The following RADIL variants were observed in gnomAD, a reference collection of about 807,000 sequenced individuals.
RADIL encodes ras-associating and dilute domain-containing protein.
In RADIL, 99 loss-of-function variants were observed where a neutral mutation model predicts 97.6. The ratio of observed to expected loss-of-function variants is 1.01; its 90% CI spans 0.86 to 1.20. The LOEUF (loss-of-function observed/expected upper bound fraction) is 1.20. Ranked by LOEUF, RADIL falls within the 50% of genes most tolerant of loss-of-function variation. RADIL has a pLI of 0.00. For synonymous variants in RADIL, 803 were observed against 691.8 expected, an observed-to-expected ratio of 1.16 and a Z score of -2.52; for missense variants, 1,765 against 1,498.9, an observed-to-expected ratio of 1.18 and a Z score of -2.93.
At position 4,797,525 on chromosome 7, in the gene RADIL, C is replaced by T. The variant is rs1422178259; in HGVS notation, c.*1853G>A. Reference sequence around the variant, plus strand: ...TCTTTCCTCTGGCCACAGTCCACACCCCTCCCACATAAAAAATATACTCAA... The same window carrying T: ...TCTTTCCTCTGGCCACAGTCCACACTCCTCCCACATAAAAAATATACTCAA... On this transcript the variant is annotated 3_prime_UTR_variant, in exon 15 of 15. Coordinates refer to ENST00000399583, the MANE Select transcript of RADIL (RefSeq NM_018059.5). 1.3e-5 allele frequency: 2 copies of T among 152,214 alleles called. No homozygotes were observed. The highest frequency in any genetic ancestry group is 1.9e-4 in the East Asian group (1 of 5,180). 9.4% of individuals were successfully genotyped at this position (152,214 alleles called of 1,614,324 possible).
intron 13 of RADIL, 134 bp from the exon 14 acceptor site, chr7:4,799,903 T>C: frequency 7.6e-7 from 1 of 1,322,686 alleles, no homozygotes; most frequent in Non-Finnish European, 1.0e-6. Context: ...GTTTCACGCG[T>C]CCCTCCAGAA....
intron 2 of RADIL, among the ~76,000 whole-genome samples, chr7:4,863,053 A>C (rs1028984481): frequency 6.6e-6 from 1 of 151,970 alleles, no homozygotes; most frequent in African/African-American, 2.4e-5. Context: ...TTGTCTCCTG[A>C]TTCTCTTCAT....
chr7:4,822,633 G>A lies in RADIL; in HGVS notation c.1455-79C>T. 4.0e-6 allele frequency: 6 copies of A among 1,489,042 alleles called. No individual in the cohort carries two copies. The highest frequency in any genetic ancestry group is 5.4e-6 in the Non-Finnish European group (6 of 1,103,288). 92.2% of individuals were successfully genotyped at this position (1,489,042 alleles called of 1,614,324 possible). A position where few individuals can be genotyped will look rare whatever the true frequency, so the allele number is the denominator to read the frequency against. On this transcript the variant is annotated intron_variant, in intron 5 of 14. Transcript: ENST00000399583. This position sits in a 1 kb window ranked among gnomAD's most constrained non-coding sequence, Gnocchi z 5.3. ...GAATCTACCACTCTTTCTACATAAG[G>A]ATGCGCGTTTTCATGGGACGCTGAC...
intron 2 of RADIL, among the ~76,000 whole-genome samples, chr7:4,862,849 A>T (rs1032306458): frequency 9.9e-5 from 15 of 151,922 alleles, no homozygotes; most frequent in African/African-American, 3.4e-4. Flanking sequence ...GTGAGCCAAG[A>T]TCACACCATT....
At chr7:4,850,187 T>G (rs1783673017) in intron 2 of RADIL, among the ~76,000 whole-genome samples, 2 of 139,168 alleles carry the variant, frequency 1.4e-5, no homozygotes, top group South Asian at 4.9e-4. Flanking sequence ...TCTTCATTCC[T>G]TTTACCCACA....
At position 4,815,280 on chromosome 7, in the gene RADIL, G is replaced by C. The variant is rs1286033065; in HGVS notation, c.2137C>G (p.Gln713Glu). The C allele has an allele frequency of 1.9e-6, 3 of 1,554,922 alleles. No homozygotes were observed. Among genetic ancestry groups the C allele is most frequent in the Non-Finnish European group, 2.6e-6 (3 of 1,149,728 alleles). ...CCGCCTCCCATGCGCACCCCTACCTGGATGAGCTGGGCCCTGGGTGTGGCC... is the reference window on the plus strand; with the variant it reads ...CCGCCTCCCATGCGCACCCCTACCTCGATGAGCTGGGCCCTGGGTGTGGCC... ...LLATPRAQLI[Q>E]MSWTALRAAF... Residue 713 changes from glutamine to glutamate, a missense_variant and splice_region_variant, in exon 9 of 15, where the codon CAG becomes GAG. Coordinates refer to ENST00000399583, the MANE Select transcript of RADIL (RefSeq NM_018059.5). The surrounding 1 kb of genome is among the most constrained non-coding windows in gnomAD (Gnocchi z 8.0).
At chr7:4,861,847 C>A (rs1429124970) in intron 2 of RADIL, 2 of 1,396,046 alleles carry the variant, frequency 1.4e-6, no homozygotes, top group Non-Finnish European at 1.9e-6. Flanking sequence ...CGTCCCCCAC[C>A]ACCGCGACCT....
intron 5 of RADIL, among the ~76,000 whole-genome samples, chr7:4,828,613 A>C (rs916016718): frequency 1.3e-5 from 2 of 152,272 alleles, no homozygotes; most frequent in African/African-American, 4.8e-5. Context: ...CAGGGCAAAC[A>C]AAATGTTAGT....
chr7:4,862,090 A>G (rs1784027850), intron 2 of RADIL: 1 of 358,524 alleles, frequency 2.8e-6, no homozygotes, highest in Non-Finnish European at 5.0e-6. Context: ...CGGGAGCCAC[A>G]GCGTTCTGGG....
chr7:4,846,024 C>T (rs754356905), intron 2 of RADIL, among the ~76,000 whole-genome samples: 1 of 152,172 alleles, frequency 6.6e-6, no homozygotes, highest in South Asian at 2.1e-4. Flanking sequence ...TCCAGCATGG[C>T]GCTGGGCACG....
intron 2 of RADIL, among the ~76,000 whole-genome samples, chr7:4,857,359 G>A (rs930764715): frequency 6.6e-6 from 1 of 152,130 alleles, no homozygotes; most frequent in African/African-American, 2.4e-5. Flanking sequence ...ACAGCATACA[G>A]TTGGACTTGG....
rs938502000 is a variant in RADIL, at chr7:4,854,249, T to C, written c.536-17644A>G. Among the ~76,000 whole-genome samples, 2 of 152,162 alleles carry C rather than the reference T, an allele frequency of 1.3e-5. No homozygotes were observed. Among genetic ancestry groups the C allele is most frequent in the African/African-American group, 4.8e-5 (2 of 41,428 alleles). On this transcript the variant is annotated intron_variant, in intron 2 of 14. Transcript: ENST00000399583. The surrounding 1 kb of genome is among the most constrained non-coding windows in gnomAD (Gnocchi z 5.1). ...CCACCGTTACCAGCCCCGAACTTACTGTTAGGTGAAAGAAAGCTGTATTGT... is the reference window on the plus strand; with the variant it reads ...CCACCGTTACCAGCCCCGAACTTACCGTTAGGTGAAAGAAAGCTGTATTGT...
At chr7:4,851,404 T>C (rs1024817800) in intron 2 of RADIL, among the ~76,000 whole-genome samples, 2 of 152,122 alleles carry the variant, frequency 1.3e-5, no homozygotes, top group Non-Finnish European at 2.9e-5. Flanking sequence ...GTAAAGACAT[T>C]GCTTCTTTCT....
At position 4,805,634 on chromosome 7, in the gene RADIL, G is replaced by A. The variant is rs904543884; in HGVS notation, c.2222C>T (p.Ala741Val). 5 of 1,611,660 alleles carry A rather than the reference G, an allele frequency of 3.1e-6. No homozygotes were observed. The highest frequency in any genetic ancestry group is 4.2e-6 in the Non-Finnish European group (5 of 1,179,864). Residue 741 changes from alanine to valine, a missense_variant, in exon 10 of 15, where the codon GCC becomes GTC. By Grantham distance (64) the Ala-to-Val change is moderately conservative. Coordinates refer to ENST00000399583, the MANE Select transcript of RADIL (RefSeq NM_018059.5). The part of the protein sequence containing the change: ...LHRLLTHYQL[A>V]SAMGPMSTWE... Reference sequence around the variant, plus strand: ...GGTGCTCATGGGGCCCATGGCCGAGGCCAGCTGGTAGTGAGTCAGCAGCCG... The same window carrying A: ...GGTGCTCATGGGGCCCATGGCCGAGACCAGCTGGTAGTGAGTCAGCAGCCG...
intron 1 of RADIL, among the ~76,000 whole-genome samples, chr7:4,882,846 G>C (rs761150219): frequency 1.3e-5 from 2 of 152,194 alleles, no homozygotes; most frequent in Non-Finnish European, 2.9e-5. Flanking sequence ...TATTAACCGC[G>C]GGACACGAGC....
At chr7:4,816,201 C>A (rs1285395098) in intron 8 of RADIL, 27 bp downstream of exon 8, 2 of 1,586,362 alleles carry the variant, frequency 1.3e-6, no homozygotes, top group Admixed American at 1.7e-5. Flanking sequence ...GAGCCCCCGA[C>A]CCCTCAACCC....
At chr7:4,846,242 G>A (rs1783569614) in intron 2 of RADIL, among the ~76,000 whole-genome samples, 1 of 151,702 alleles carries the variant, frequency 6.6e-6, no homozygotes, top group Non-Finnish European at 1.5e-5. Context: ...CGACTCCCTG[G>A]TTCAAGCGAT....
intron 2 of RADIL, among the ~76,000 whole-genome samples, chr7:4,871,593 CGCCAGGTG>C (rs1232344315): frequency 2.6e-5 from 4 of 152,214 alleles, no homozygotes; most frequent in Non-Finnish European, 5.9e-5. Context: ...CCCACCACGC[CGCCAGGTG>C]GCCAGGGCTG....
At chr7:4,809,538 G>T in intron 9 of RADIL, 1 of 985,398 alleles carries the variant, frequency 1.0e-6, no homozygotes, top group Non-Finnish European at 1.2e-6. Context: ...CTGCTCGGGA[G>T]CCCCCAGGCC....
Sources: allele counts gnomAD v4.1 joint callset (sites outside exome capture counted in the v4.1 genomes callset), GRCh38; gene constraint gnomAD v4.1.1; non-coding constraint Gnocchi (gnomAD v3.1); transcripts MANE v1.5; gene names NCBI Gene and HGNC (gene_info 2026-07-23, HGNC 2026-07-21).